RETREG1: variants seen among roughly 807,000 people sequenced by gnomAD.
RETREG1 encodes family with sequence similarity 134 member B.
Under a neutral mutation model 54.8 loss-of-function variants are expected in RETREG1, and 44 were observed. The ratio of observed to expected loss-of-function variants is 0.80; its 90% CI spans 0.63 to 1.03. The LOEUF (loss-of-function observed/expected upper bound fraction) is 1.03. Ranked by LOEUF, RETREG1 falls within the 50% of genes least tolerant of loss-of-function variation. The pLI, the probability that RETREG1 is intolerant of heterozygous loss-of-function variation, is 0.00. For synonymous variants in RETREG1, 217 were observed against 238.5 expected (o/e 0.91, Z 0.83); for missense variants, 554 against 605.1 (o/e 0.92, Z 0.89).
At chr5:16,493,067 T>C (rs1269530585) in intron 3 of RETREG1, among the ~76,000 whole-genome samples, 2 of 152,256 alleles carry the variant, frequency 1.3e-5, no homozygotes, top group East Asian at 1.9e-4. Flanking sequence ...CAGAGCAACT[T>C]AGTGTTCTAT....
intron 3 of RETREG1, among the ~76,000 whole-genome samples, chr5:16,546,777 A>G (rs866642613): frequency 1.1e-4 from 16 of 152,292 alleles, no homozygotes; most frequent in Middle Eastern, 6.8e-3. Flanking sequence ...ACAGAAATCT[A>G]TCTAAATATC....
chr5:16,547,697 T>C (rs1387118486), intron 3 of RETREG1, among the ~76,000 whole-genome samples: 1 of 152,228 alleles, frequency 6.6e-6, no homozygotes, highest in Admixed American at 6.5e-5. Context: ...TGTTCAGTCA[T>C]GTAACGGCAG....
chr5:16,503,523 G>T (rs1476332382), intron 3 of RETREG1, among the ~76,000 whole-genome samples: 2 of 152,034 alleles, frequency 1.3e-5, no homozygotes, highest in African/African-American at 4.8e-5. Context: ...CAAAAAATTA[G>T]CTGGGCGTGG....
chr5:16,505,705 G>A (rs560258138), intron 3 of RETREG1, among the ~76,000 whole-genome samples: 58 of 152,264 alleles, frequency 3.8e-4, no homozygotes, highest in South Asian at 1.2e-3. Context: ...TGCTGAAGGC[G>A]TCAGAGGCCC....
intron 3 of RETREG1, among the ~76,000 whole-genome samples, chr5:16,494,766 T>C (rs1482288271): frequency 6.6e-6 from 1 of 152,162 alleles, no homozygotes; most frequent in East Asian, 1.9e-4. Flanking sequence ...ATAGAGAAAA[T>C]TGGTACTGAA....
At chr5:16,553,257 G>A (rs935639513) in intron 3 of RETREG1, among the ~76,000 whole-genome samples, 93 of 151,784 alleles carry the variant, frequency 6.1e-4, no homozygotes, top group African/African-American at 2.2e-3. Context: ...ATGGAATATC[G>A]TACAGCCACA....
chr5:16,587,412 C>T (rs1352720594), intron 1 of RETREG1, among the ~76,000 whole-genome samples: 1 of 152,190 alleles, frequency 6.6e-6, no homozygotes, highest in Non-Finnish European at 1.5e-5. Context: ...AAACTTGGGT[C>T]TTCTTGACTC....
intron 3 of RETREG1, among the ~76,000 whole-genome samples, chr5:16,543,970 GT>G (rs750605921): frequency 1.3e-3 from 156 of 121,090 alleles, no homozygotes; most frequent in South Asian, 2.9e-3. Context: ...TTATTGCCAA[GT>G]TTTTTTTTTT....
chr5:16,574,366 T>A (rs1398088717), intron 1 of RETREG1, among the ~76,000 whole-genome samples: 1 of 151,770 alleles, frequency 6.6e-6, no homozygotes, highest in African/African-American at 2.4e-5. Flanking sequence ...GGAAGTGAAA[T>A]GATGGGTGAT....
At position 16,526,322 on chromosome 5, in the gene RETREG1, C is replaced by T. The variant is rs138774594; in HGVS notation, c.458+39441G>A. Among the ~76,000 whole-genome samples, 182 of 152,308 alleles carry T rather than the reference C, an allele frequency of 1.2e-3. 2 individuals carry two copies. In the East Asian group the frequency reaches 0.025, roughly 21 times the overall value. ...TCATTCATCACATGCTTACTGGGAGCGTATTCTGTGCAATCATGTAGCTAA... is the reference window on the plus strand; with the variant it reads ...TCATTCATCACATGCTTACTGGGAGTGTATTCTGTGCAATCATGTAGCTAA... On this transcript the variant is annotated intron_variant, in intron 3 of 8. Coordinates refer to ENST00000306320, the MANE Select transcript of RETREG1 (RefSeq NM_001034850.3).
chr5:16,480,965 C>A, intron 5 of RETREG1, 44 bp downstream of exon 5: 1 of 1,308,886 alleles, frequency 7.6e-7, no homozygotes, highest in Non-Finnish European at 1.1e-6. Flanking sequence ...TAAGGTGATA[C>A]CATATGCATC....
chr5:16,501,318 G>C (rs948127226), intron 3 of RETREG1, among the ~76,000 whole-genome samples: 1 of 152,168 alleles, frequency 6.6e-6, no homozygotes, highest in Non-Finnish European at 1.5e-5. Flanking sequence ...GGGATTTGCA[G>C]CCAGGAGTAA....
intron 1 of RETREG1, among the ~76,000 whole-genome samples, chr5:16,572,363 C>A (rs977908599): frequency 2.0e-5 from 3 of 152,062 alleles, no homozygotes; most frequent in South Asian, 4.1e-4. Flanking sequence ...TAGGCATGAG[C>A]CACCACGCCA....
rs578180259 is a variant in RETREG1, at chr5:16,561,623, T to G, written c.458+4140A>C. 2.6e-5 allele frequency among the ~76,000 whole-genome samples: 4 copies of G among 152,302 alleles called. No individual in the cohort carries two copies. The highest frequency in any genetic ancestry group is 9.6e-5 in the African/African-American group (4 of 41,578). ...CCAAAGGAGAGAAATAGCCTAAGTC[T>G]AACAAAAGCCCTAGAATAGGGAGCT... On this transcript the variant is annotated intron_variant, in intron 3 of 8. Coordinates refer to ENST00000306320, the MANE Select transcript of RETREG1 (RefSeq NM_001034850.3). The surrounding 1 kb of genome is among the most constrained non-coding windows in gnomAD (Gnocchi z 4.2).
At chr5:16,563,152 T>C (rs1741909854) in intron 3 of RETREG1, among the ~76,000 whole-genome samples, 1 of 152,212 alleles carries the variant, frequency 6.6e-6, no homozygotes, top group Non-Finnish European at 1.5e-5. Flanking sequence ...CAGAGCAAGA[T>C]CCCTCTCACT....
chr5:16,598,484 C>G (rs1452540088), intron 1 of RETREG1, among the ~76,000 whole-genome samples: 1 of 152,184 alleles, frequency 6.6e-6, no homozygotes, highest in Non-Finnish European at 1.5e-5. Flanking sequence ...CCCTCGGAGC[C>G]TTTGTGACTC....
intron 1 of RETREG1, among the ~76,000 whole-genome samples, chr5:16,592,588 G>A (rs1454103136): frequency 6.6e-6 from 1 of 152,074 alleles, no homozygotes; most frequent in East Asian, 1.9e-4. Flanking sequence ...TATCATAAAG[G>A]TGCATGCACG....
At chr5:16,615,792 T>C (rs2126385319) in intron 1 of RETREG1, 1 of 152,350 alleles carries the variant, frequency 6.6e-6, no homozygotes, top group South Asian at 2.1e-4. Flanking sequence ...GAAATCTCTG[T>C]CCTGTAACAA....
intron 3 of RETREG1, among the ~76,000 whole-genome samples, chr5:16,515,448 AT>A (rs1456999089): frequency 6.6e-5 from 10 of 152,148 alleles, no homozygotes; most frequent in Admixed American, 5.9e-4. Context: ...TGGCCTGAGA[AT>A]TTTTTTAGTT....
Sources: allele counts gnomAD v4.1 joint callset (sites outside exome capture counted in the v4.1 genomes callset), GRCh38; gene constraint gnomAD v4.1.1; non-coding constraint Gnocchi (gnomAD v3.1); transcripts MANE v1.5; gene names NCBI Gene and HGNC (gene_info 2026-07-23, HGNC 2026-07-21).